The following ADGRB1 variants were observed in gnomAD, a reference collection of about 807,000 sequenced individuals.
ADGRB1 encodes adhesion G protein-coupled receptor B1.
A neutral mutation model predicts 175.7 loss-of-function variants in ADGRB1; 36 were observed. The ratio of observed to expected loss-of-function variants is 0.20; its 90% CI spans 0.16 to 0.27. The LOEUF (loss-of-function observed/expected upper bound fraction) is 0.27. ADGRB1 is among the 10% of genes least tolerant of loss of function. The probability of loss-of-function intolerance (pLI) is 1.00; values close to 1 mark genes in which losing one functional copy is unlikely to be tolerated. For synonymous variants in ADGRB1, 1,054 were observed against 979.4 expected (o/e 1.08, Z -1.42); for missense variants, 1,731 against 2,255.3 (o/e 0.77, Z 4.71).
intron 17 of ADGRB1, among the ~76,000 whole-genome samples, chr8:142,501,928 G>T (rs1200327648): frequency 6.9e-6 from 1 of 144,152 alleles, no homozygotes; most frequent in African/African-American, 2.6e-5. Flanking sequence ...CGGTGATGGC[G>T]ATGGCGGGGT....
rs746892190 is a variant in ADGRB1, at chr8:142,544,698, G to A, written c.*281G>A. 6.5e-6 allele frequency: 2 copies of A among 306,350 alleles called. No homozygotes were observed. The highest frequency in any genetic ancestry group is 1.2e-5 in the Non-Finnish European group (2 of 168,816). The allele number at this position is 306,350 out of a possible 1,614,324, so 19.0% of individuals were successfully genotyped here. On this transcript the variant is annotated 3_prime_UTR_variant, in exon 31 of 31. Transcript: ENST00000517894. ...AGGCCCAGCGGGCAGATGGGCGGACGGCTGTGGACCGTGGACAGGCCCAGC... is the reference window on the plus strand; with the variant it reads ...AGGCCCAGCGGGCAGATGGGCGGACAGCTGTGGACCGTGGACAGGCCCAGC...
At chr8:142,530,302 G>A (rs1490285876) in intron 24 of ADGRB1, among the ~76,000 whole-genome samples, 3 of 152,100 alleles carry the variant, frequency 2.0e-5, no homozygotes, top group Admixed American at 2.0e-4. Flanking sequence ...GGGAAGGAAG[G>A]GTTCAGGGTC....
rs1056016311 is a variant in ADGRB1 at position 142,455,016 on chromosome 8, AC to A, written c.-220+4916del. ...CACAAACACAAACATGCACACACCC[AC>A]CCCTTCTGTCCCCTGTCCTGCTCAT... On this transcript the variant is annotated intron_variant, in intron 1 of 30. Transcript: ENST00000517894. The surrounding 1 kb of genome is among the most constrained non-coding windows in gnomAD (Gnocchi z 4.9). Among the ~76,000 whole-genome samples, 3 of 146,790 alleles carry A rather than the reference AC, an allele frequency of 2.0e-5. No individual in the cohort carries two copies. Among genetic ancestry groups the A allele is most frequent in the Non-Finnish European group, 4.5e-5 (3 of 66,632 alleles).
At chr8:142,481,758 C>A (rs1383719680) in intron 11 of ADGRB1, 47 bp downstream of exon 11, 1 of 1,449,274 alleles carries the variant, frequency 6.9e-7, no homozygotes, top group Non-Finnish European at 9.2e-7. Context: ...GGGAAGGTGT[C>A]TGGGGAGCCC....
Position 142,464,276 on chromosome 8 carries a change from C to A in ADGRB1, c.78C>A (p.Arg26=). 7.3e-7 allele frequency: 1 copy of A among 1,362,358 alleles called. No individual in the cohort carries two copies. The highest frequency in any genetic ancestry group is 9.4e-7 in the Non-Finnish European group (1 of 1,066,370). The allele number at this position is 1,362,358 out of a possible 1,614,324, so 84.4% of individuals were successfully genotyped here. A position where few individuals can be genotyped will look rare whatever the true frequency, so the allele number is the denominator to read the frequency against. ...PLLLLLLLLG[R]RARAAAGADA... is the part of the protein sequence containing the mutation. ...TACTGCTGCTGCTGCTGCTGGGACGCCGCGCGCGGGCGGCCGCCGGAGCAG... is the reference window on the plus strand; with the variant it reads ...TACTGCTGCTGCTGCTGCTGGGACGACGCGCGCGGGCGGCCGCCGGAGCAG... Residue 26 remains arginine, a synonymous_variant, in exon 2 of 31, where the codon CGC becomes CGA. Transcript: ENST00000517894.
intron 1 of ADGRB1, among the ~76,000 whole-genome samples, chr8:142,451,309 A>C (rs954986199): frequency 6.6e-6 from 1 of 152,106 alleles, no homozygotes; most frequent in African/African-American, 2.4e-5. Context: ...CTGGCACCCC[A>C]GCCCCAGGCC....
intron 2 of ADGRB1, among the ~76,000 whole-genome samples, chr8:142,465,215 AC>A (rs1451999428): frequency 6.6e-6 from 1 of 152,118 alleles, no homozygotes. Flanking sequence ...TGCTCCATCC[AC>A]CCGTGCACAG....
chr8:142,529,591 T>C (rs933398757), intron 24 of ADGRB1, among the ~76,000 whole-genome samples: 2 of 151,834 alleles, frequency 1.3e-5, no homozygotes, highest in African/African-American at 2.4e-5. Flanking sequence ...TGTGTGAGCG[T>C]GCATGTATGT....
In ADGRB1 at chr8:142,544,396, C is replaced by T. The variant is rs979039697; in HGVS notation, c.4734C>T (p.Ile1578=). ...ATIPLVGQDI[I]DLQTEV ...TCCCGCTGGTGGGCCAGGACATCAT[C>T]GACCTCCAGACCGAGGTCTGAGCGG... is the stretch of plus-strand genomic sequence containing the variant. Residue 1578 remains isoleucine (I), a synonymous_variant, in exon 31 of 31, where the codon ATC becomes ATT. Transcript: ENST00000517894. 5.3e-6 allele frequency: 8 copies of T among 1,510,304 alleles called. No individual in the cohort carries two copies. The highest frequency in any genetic ancestry group is 4.9e-5 in the East Asian group (2 of 40,486). The allele number at this position is 1,510,304 out of a possible 1,614,324, so 93.6% of individuals were successfully genotyped here.
chr8:142,464,436 T>C lies in ADGRB1; in HGVS notation c.238T>C (p.Tyr80His). 2.5e-6 allele frequency: 4 copies of C among 1,568,846 alleles called. No homozygotes were observed. The South Asian group carries it at 4.7e-5, about 18-fold the overall frequency. The stretch of plus-strand genomic sequence containing the variant: ...GCTACGCAACCCGGACCCGCGGCGC[T>C]ACACTCTCTACATGAAGGTGGCCAA... ...WTLRNPDPRR[Y>H]TLYMKVAKAP... The change falls in exon 2 of 31, where the codon TAC becomes CAC. Residue 80 changes from tyrosine to histidine, a missense_variant. Tyr to His is a moderately conservative substitution (Grantham distance 83, BLOSUM62 2). This residue lies in a region of ADGRB1 where 383 missense variants were observed against 383.1 expected (regional missense o/e 1.00). Coordinates refer to ENST00000517894, the MANE Select transcript of ADGRB1 (RefSeq NM_001702.3).
At chr8:142,534,028 A>G (rs1419452058) in intron 25 of ADGRB1, among the ~76,000 whole-genome samples, 1 of 152,016 alleles carries the variant, frequency 6.6e-6, no homozygotes, top group African/African-American at 2.4e-5. Flanking sequence ...CGGGGCGGCC[A>G]CCTCCCCCTT....
At chr8:142,457,521 C>A (rs1563673739) in intron 1 of ADGRB1, among the ~76,000 whole-genome samples, 1 of 152,108 alleles carries the variant, frequency 6.6e-6, no homozygotes, top group Non-Finnish European at 1.5e-5. Flanking sequence ...TGGTGGGCTC[C>A]CACACCCTTG....
intron 19 of ADGRB1, among the ~76,000 whole-genome samples, chr8:142,519,602 G>A (rs1843646987): frequency 6.6e-6 from 1 of 151,584 alleles, no homozygotes; most frequent in Admixed American, 6.6e-5. Flanking sequence ...TGGTGGTGAT[G>A]GTAGTGATGG....
Position 142,469,939 on chromosome 8 carries a change from A to C in ADGRB1, c.784+4957A>C, listed in dbSNP as rs114207012. Among the ~76,000 whole-genome samples, 449 of 152,268 alleles carry C rather than the reference A, an allele frequency of 2.9e-3. 7 individuals carry two copies. Among genetic ancestry groups the C allele is most frequent in the African/African-American group, 0.01 (429 of 41,546 alleles). Reference sequence around the variant, plus strand: ...GGGAGCGTTGTGCCCTCGCTGTGGGACCTGGGGACACTGGGACAGGCTTGT... The same window carrying C: ...GGGAGCGTTGTGCCCTCGCTGTGGGCCCTGGGGACACTGGGACAGGCTTGT... On this transcript the variant is annotated intron_variant, in intron 2 of 30. Coordinates refer to ENST00000517894, the MANE Select transcript of ADGRB1 (RefSeq NM_001702.3).
At chr8:142,536,777 C>T (rs1844950833) in intron 25 of ADGRB1, among the ~76,000 whole-genome samples, 1 of 152,026 alleles carries the variant, frequency 6.6e-6, no homozygotes, top group South Asian at 2.1e-4. Flanking sequence ...GAGGGGTAGG[C>T]TGTTCCCCTC....
Position 142,481,564 on chromosome 8 carries a change from G to C in ADGRB1, c.1983G>C (p.Gly661=). ...CTCAGCGAGGGCTGCCTGGGGAGGGGGTCTCGGAGGTCATCCAGACACTGG... is the reference window on the plus strand; with the variant it reads ...CTCAGCGAGGGCTGCCTGGGGAGGGCGTCTCGGAGGTCATCCAGACACTGG... ...AKAQRGLPGE[G]VSEVIQTLVE... Residue 661 remains glycine, a synonymous_variant, in exon 11 of 31, where the codon GGG becomes GGC. Coordinates refer to ENST00000517894, the MANE Select transcript of ADGRB1 (RefSeq NM_001702.3). 1 of 1,598,056 alleles carries C rather than the reference G, an allele frequency of 6.3e-7. No homozygotes were observed. The highest frequency in any genetic ancestry group is 8.5e-7 in the Non-Finnish European group (1 of 1,172,544).
chr8:142,498,712 C>T (rs539315468), intron 17 of ADGRB1, among the ~76,000 whole-genome samples: 5 of 152,256 alleles, frequency 3.3e-5, no homozygotes, highest in Middle Eastern at 3.4e-3. Flanking sequence ...GGCCGCTGCA[C>T]CTCCCCTGCC....
At chr8:142,529,620 G>C (rs1449048491) in intron 24 of ADGRB1, among the ~76,000 whole-genome samples, 1 of 151,646 alleles carries the variant, frequency 6.6e-6, no homozygotes, top group Non-Finnish European at 1.5e-5. Flanking sequence ...GCAACCCAGT[G>C]TGCATACGTG....
Position 142,464,366 on chromosome 8 carries a change from C to T in ADGRB1, c.168C>T (p.Ser56=), listed in dbSNP as rs1270926502. The part of the protein sequence containing the change: ...LVQGKFFGYF[S]AAAVFPANAS... ...AGGGAAAGTTCTTCGGCTACTTCTCCGCGGCCGCCGTGTTCCCGGCCAACG... is the reference window on the plus strand; with the variant it reads ...AGGGAAAGTTCTTCGGCTACTTCTCTGCGGCCGCCGTGTTCCCGGCCAACG... The change falls in exon 2 of 31, where the codon TCC becomes TCT. Residue 56 remains serine (S), a synonymous_variant. Transcript: ENST00000517894. The T allele has an allele frequency of 1.3e-6, 2 of 1,521,884 alleles. No individual in the cohort carries two copies. Among genetic ancestry groups the T allele is most frequent in the African/African-American group, 1.4e-5 (1 of 70,118 alleles). 94.3% of individuals were successfully genotyped at this position (1,521,884 alleles called of 1,614,324 possible).
Sources: allele counts gnomAD v4.1 joint callset (sites outside exome capture counted in the v4.1 genomes callset), GRCh38; gene constraint gnomAD v4.1.1; regional missense constraint gnomAD v4.1.1; non-coding constraint Gnocchi (gnomAD v3.1); transcripts MANE v1.5; gene names NCBI Gene and HGNC (gene_info 2026-07-23, HGNC 2026-07-21).